SHC3: variants seen among roughly 807,000 people sequenced by gnomAD.
SHC3 encodes SHC-transforming protein 3.
SHC3 carries 15 observed loss-of-function variants against 60.4 expected under a neutral mutation model. The observed-to-expected ratio is 0.25, with a 90% CI of 0.17 to 0.38. The LOEUF (loss-of-function observed/expected upper bound fraction) is 0.38. Among genes scored for constraint, SHC3 ranks in the 10% least tolerant of loss-of-function variants. The pLI is 1.00. For synonymous variants in SHC3, 294 were observed against 325.9 expected (o/e 0.90, Z 1.05); for missense variants, 677 against 786.1 (o/e 0.86, Z 1.66).
At chr9:89,023,722 A>G (rs1564079692) in intron 11 of SHC3, among the ~76,000 whole-genome samples, 3 of 152,246 alleles carry the variant, frequency 2.0e-5, no homozygotes, top group South Asian at 2.1e-4. Flanking sequence ...ATCAGAAGGT[A>G]TGACCACATA....
At chr9:89,059,080 C>T (rs1450368324) in intron 6 of SHC3, among the ~76,000 whole-genome samples, 1 of 116,080 alleles carries the variant, frequency 8.6e-6, no homozygotes. Context: ...TGGTAAAGGA[C>T]GTGATGGAGG....
intron 6 of SHC3, 88 bp from the exon 7 acceptor site, chr9:89,052,251 G>A (rs1482537731): frequency 8.6e-6 from 13 of 1,516,986 alleles, no homozygotes; most frequent in Non-Finnish European, 1.1e-5. Context: ...GAGGACACAG[G>A]GACAGAGAGG....
At chr9:89,069,091 T>A (rs926690314) in intron 5 of SHC3, among the ~76,000 whole-genome samples, 1 of 152,184 alleles carries the variant, frequency 6.6e-6, no homozygotes, top group Non-Finnish European at 1.5e-5. Context: ...GGTGGACCAC[T>A]TAAGCCCAGA....
At chr9:89,151,298 C>T (rs1190133707) in intron 1 of SHC3, among the ~76,000 whole-genome samples, 1 of 152,090 alleles carries the variant, frequency 6.6e-6, no homozygotes, top group Non-Finnish European at 1.5e-5. Context: ...TTAGTGTCCC[C>T]CCAAAATTCA....
intron 7 of SHC3, among the ~76,000 whole-genome samples, chr9:89,047,712 G>C (rs906590024): frequency 2.0e-5 from 3 of 152,068 alleles, no homozygotes; most frequent in African/African-American, 7.2e-5. Flanking sequence ...TGCCCACTAG[G>C]GTAGCTATAA....
chr9:89,031,934 G>A (rs1023656732), intron 11 of SHC3, among the ~76,000 whole-genome samples: 1 of 152,180 alleles, frequency 6.6e-6, no homozygotes, highest in Admixed American at 6.5e-5. Context: ...GGGAGCTGAT[G>A]TGAGTCCCCT....
At chr9:89,153,887 G>A (rs1328188594) in intron 1 of SHC3, among the ~76,000 whole-genome samples, 1 of 152,222 alleles carries the variant, frequency 6.6e-6, no homozygotes, top group East Asian at 1.9e-4. Flanking sequence ...CGGACCTTCA[G>A]TGAGCCTCTG....
At chr9:89,169,595 G>A (rs762541450) in intron 1 of SHC3, among the ~76,000 whole-genome samples, 40 of 151,866 alleles carry the variant, frequency 2.6e-4, no homozygotes, top group Non-Finnish European at 5.4e-4. Flanking sequence ...GGACATCCAG[G>A]CCACTGCTTG....
At chr9:89,117,739 AT>A (rs1428234255) in intron 1 of SHC3, among the ~76,000 whole-genome samples, 1 of 152,048 alleles carries the variant, frequency 6.6e-6, no homozygotes, top group Non-Finnish European at 1.5e-5. Flanking sequence ...TTCTCCTTTT[AT>A]TTTAATAATA....
chr9:89,082,904 T>A (rs116697827), intron 2 of SHC3, among the ~76,000 whole-genome samples: 13 of 152,328 alleles, frequency 8.5e-5, no homozygotes, highest in African/African-American at 3.1e-4. Context: ...ATTTTATAGA[T>A]AGATACCACA....
intron 1 of SHC3, among the ~76,000 whole-genome samples, chr9:89,120,649 C>T (rs1011089886): frequency 6.6e-6 from 1 of 152,114 alleles, no homozygotes; most frequent in Non-Finnish European, 1.5e-5. Context: ...ATGCACTTGC[C>T]CTTTGACCCA....
intron 7 of SHC3, 97 bp downstream of exon 7, chr9:89,051,940 T>C (rs1824868187): frequency 6.6e-7 from 1 of 1,526,570 alleles, no homozygotes. Context: ...TGTGATTAAT[T>C]GTGCCTGTCC....
At chr9:89,140,859 AG>A (rs1379968217) in intron 1 of SHC3, among the ~76,000 whole-genome samples, 2 of 152,214 alleles carry the variant, frequency 1.3e-5, no homozygotes, top group Non-Finnish European at 2.9e-5. Context: ...AAAACAGTTC[AG>A]TCGACTGAGG....
intron 11 of SHC3, among the ~76,000 whole-genome samples, chr9:89,034,328 T>C (rs1824537330): frequency 6.6e-6 from 1 of 152,206 alleles, no homozygotes; most frequent in Non-Finnish European, 1.5e-5. Flanking sequence ...ATTTGTTGAA[T>C]GAATGAATAA....
At chr9:89,124,201 C>T (rs1384097280) in intron 1 of SHC3, among the ~76,000 whole-genome samples, 1 of 152,040 alleles carries the variant, frequency 6.6e-6, no homozygotes, top group East Asian at 1.9e-4. Context: ...CAGATGCTGG[C>T]AAGGATGTGG....
At chr9:89,043,842 C>T (rs1320651986) in intron 9 of SHC3, among the ~76,000 whole-genome samples, 6 of 152,050 alleles carry the variant, frequency 3.9e-5, no homozygotes, top group East Asian at 1.9e-4. Context: ...TTAGTAGAGA[C>T]GAGGTTTCAC....
At chr9:89,099,431 C>G (rs1024643959) in intron 2 of SHC3, among the ~76,000 whole-genome samples, 1 of 152,200 alleles carries the variant, frequency 6.6e-6, no homozygotes, top group African/African-American at 2.4e-5. Flanking sequence ...TATGGAATAT[C>G]ATCCTCTGAG....
At chr9:89,109,732 T>C in intron 2 of SHC3, 1 of 985,474 alleles carries the variant, frequency 1.0e-6, no homozygotes, top group Non-Finnish European at 1.2e-6. Flanking sequence ...TCTTCAGGCA[T>C]CTCCAGGCTC....
chr9:89,025,698 A>G (rs972174889), intron 11 of SHC3, among the ~76,000 whole-genome samples: 1 of 152,208 alleles, frequency 6.6e-6, no homozygotes, highest in Non-Finnish European at 1.5e-5. Flanking sequence ...TTCTGTAGCA[A>G]TAAGACACCC....
Sources: gnomAD v4.1 joint callset for allele counts (sites outside exome capture counted in the v4.1 genomes callset) on GRCh38, gnomAD v4.1.1 for gene constraint, MANE v1.5 for transcripts, NCBI Gene and HGNC (gene_info 2026-07-23, HGNC 2026-07-21) for gene names.